TLN2: variants seen among roughly 807,000 people sequenced by gnomAD.
The protein encoded by TLN2 is talin 2.
In TLN2, 118 loss-of-function variants were observed where a neutral mutation model predicts 294.7. The observed-to-expected ratio is 0.40, with a 90% CI of 0.34 to 0.47. The LOEUF is 0.47. TLN2 is among the 20% of genes least tolerant of loss of function. TLN2 has a pLI of 0.84. For missense variants in TLN2, 3,083 were observed against 3,282.2 expected (o/e 0.94, Z 1.48); for synonymous variants, 1,431 against 1,304.5 (o/e 1.10, Z -2.09).
chr15:62,483,144 C>G (rs1290082622), intron 1 of TLN2, among the ~76,000 whole-genome samples: 3 of 152,204 alleles, frequency 2.0e-5, no homozygotes, highest in Non-Finnish European at 4.4e-5. Flanking sequence ...TAGCTGGGAT[C>G]TCTTAGGCAC....
intron 2 of TLN2, among the ~76,000 whole-genome samples, chr15:62,591,841 T>G (rs990737212): frequency 2.0e-5 from 3 of 152,038 alleles, no homozygotes; most frequent in Non-Finnish European, 2.9e-5. Flanking sequence ...GTGCTCAGGA[T>G]GGAGAAGAGC....
intron 1 of TLN2, among the ~76,000 whole-genome samples, chr15:62,495,542 G>T (rs754478035): frequency 3.9e-5 from 6 of 152,230 alleles, no homozygotes; most frequent in Non-Finnish European, 7.3e-5. Flanking sequence ...GCAAGGGAAA[G>T]AATGACTTTT....
At chr15:62,559,880 T>A (rs1347404668) in intron 1 of TLN2, among the ~76,000 whole-genome samples, 1 of 152,206 alleles carries the variant, frequency 6.6e-6, no homozygotes, top group African/African-American at 2.4e-5. Context: ...CCTCCCAGTT[T>A]CCAGTAACCT....
intron 54 of TLN2, among the ~76,000 whole-genome samples, chr15:62,825,252 A>T (rs1195367239): frequency 6.6e-6 from 1 of 152,186 alleles, no homozygotes; most frequent in East Asian, 1.9e-4. Context: ...GTCCAGTTAC[A>T]TTGTTTGACT....
In TLN2 at chr15:62,843,116, G is replaced by T. The variant is rs2070869264; in HGVS notation, c.*2506G>T. ...TTTCAGAACACCTAATAAGAGAGTG[G>T]TGTCAGAGTAAAAACGGCCCCAGGT... On this transcript the variant is annotated 3_prime_UTR_variant, in exon 59 of 59. Transcript: ENST00000636159. 1 of 152,182 alleles carries T rather than the reference G, an allele frequency of 6.6e-6. No individual in the cohort carries two copies. The highest frequency in any genetic ancestry group is 2.4e-5 in the African/African-American group (1 of 41,430). The allele number at this position is 152,182 out of a possible 1,614,324, so 9.4% of individuals were successfully genotyped here. A position where few individuals can be genotyped will look rare whatever the true frequency, so the allele number is the denominator to read the frequency against.
chr15:62,440,686 A>C (rs911674501), intron 1 of TLN2, among the ~76,000 whole-genome samples: 2 of 152,108 alleles, frequency 1.3e-5, no homozygotes, highest in Non-Finnish European at 2.9e-5. Flanking sequence ...CCGCAGCAGG[A>C]ATTATTGACC....
chr15:62,452,164 G>A (rs892823302), intron 1 of TLN2, among the ~76,000 whole-genome samples: 7 of 152,232 alleles, frequency 4.6e-5, no homozygotes, highest in Middle Eastern at 3.4e-3. Flanking sequence ...AAGAACAGTG[G>A]GGTTGTGAGG....
At chr15:62,550,969 T>C (rs1026874344) in intron 1 of TLN2, among the ~76,000 whole-genome samples, 10 of 152,146 alleles carry the variant, frequency 6.6e-5, no homozygotes, top group Non-Finnish European at 1.5e-5. Context: ...CTCACCATAA[T>C]GTAGAATCAG....
At chr15:62,569,450 C>T (rs2140635970) in intron 1 of TLN2, among the ~76,000 whole-genome samples, 1 of 152,300 alleles carries the variant, frequency 6.6e-6, no homozygotes, top group South Asian at 2.1e-4. Flanking sequence ...CTGGGAGATT[C>T]AGAAAGTTCC....
intron 1 of TLN2, among the ~76,000 whole-genome samples, chr15:62,492,094 CTT>C (rs2038762602): frequency 6.6e-6 from 1 of 151,778 alleles, no homozygotes; most frequent in Admixed American, 6.6e-5. Flanking sequence ...ATTTTGATAA[CTT>C]ATTTATTATA....
At position 62,819,565 on chromosome 15, in the gene TLN2, C is replaced by G. The variant is rs1567674387; in HGVS notation, c.6821C>G (p.Ser2274Cys). Reference sequence around the variant, plus strand: ...TTCAAGCAGCAGCTGGCCGCTTTCTCCAAGCGAGTCGCCGGCGCTGTGACA... The same window carrying G: ...TTCAAGCAGCAGCTGGCCGCTTTCTGCAAGCGAGTCGCCGGCGCTGTGACA... ...PEFKQQLAAF[S>C]KRVAGAVTEL... The change falls in exon 53 of 59, where the codon TCC (serine) becomes TGC (cysteine). Residue 2274 changes from serine (S) to cysteine (C), a missense_variant. Ser to Cys is a moderately radical substitution (Grantham distance 112). Transcript: ENST00000636159. 1.2e-6 allele frequency: 2 copies of G among 1,613,704 alleles called. No individual in the cohort carries two copies. The highest frequency in any genetic ancestry group is 1.7e-6 in the Non-Finnish European group (2 of 1,180,038).
chr15:62,693,083 A>C, intron 13 of TLN2, 142 bp downstream of exon 13: 2 of 627,102 alleles, frequency 3.2e-6, no homozygotes, highest in Non-Finnish European at 5.4e-6. Flanking sequence ...TAATCCCAAC[A>C]CTTCGGGAGG....
Position 62,712,058 on chromosome 15 carries a change from G to T in TLN2, c.2615G>T (p.Arg872Leu), listed in dbSNP as rs1221591376. ...AAKLLADSTARMVEAAKGAAA... is the reference protein window; with the variant it reads ...AAKLLADSTALMVEAAKGAAA... Reference sequence around the variant, plus strand: ...AAACTCTTAGCTGACTCCACTGCTCGCATGGTGGAAGCTGCAAAGGTATTC... The same window carrying T: ...AAACTCTTAGCTGACTCCACTGCTCTCATGGTGGAAGCTGCAAAGGTATTC... The change falls in exon 22 of 59, where the codon CGC becomes CTC. Residue 872 changes from arginine (R) to leucine (L), a missense_variant. Physicochemically the swap from Arg to Leu is moderately radical, Grantham distance 102. Coordinates refer to ENST00000636159, the MANE Select transcript of TLN2 (RefSeq NM_015059.3). The T allele has an allele frequency of 1.2e-6, 2 of 1,613,984 alleles. No individual in the cohort carries two copies. The highest frequency in any genetic ancestry group is 1.7e-5 in the Admixed American group (1 of 60,018).
At position 62,694,267 on chromosome 15, in the gene TLN2, G is replaced by A. The variant is rs372167452; in HGVS notation, c.1216-49G>A. On this transcript the variant is annotated intron_variant, in intron 13 of 58. Transcript: ENST00000636159. ...GCTGGGATTAGAGGCGTGAGCCACC[G>A]CGCGTGGCCTGGTTTTCATTTTTGC... 2.3e-4 allele frequency: 356 copies of A among 1,578,792 alleles called. 5 individuals carry two copies. The South Asian group carries it at 3.4e-3, about 15-fold the overall frequency.
chr15:62,819,744 C>A, intron 53 of TLN2, 123 bp downstream of exon 53: 2 of 764,906 alleles, frequency 2.6e-6, no homozygotes, highest in Non-Finnish European at 2.1e-6. Flanking sequence ...GCCAGGAATA[C>A]AGTGAGGACT....
chr15:62,646,809 C>T (rs556756750), intron 3 of TLN2, among the ~76,000 whole-genome samples: 1 of 152,292 alleles, frequency 6.6e-6, no homozygotes, highest in South Asian at 2.1e-4. Context: ...AAGAGGAGCA[C>T]CTGAGAGGGC....
rs981808458 is a variant in TLN2 at position 62,739,340 on chromosome 15, C to T, written c.3688-8C>T. The T allele has an allele frequency of 1.2e-6, 2 of 1,610,908 alleles. No individual in the cohort carries two copies. The highest frequency in any genetic ancestry group is 1.7e-6 in the Non-Finnish European group (2 of 1,178,558). ...TGTCTCATGGGGTGTGCCGTCTGTT[C>T]CCCACAGCTACCTCCAAGCACGAAG... On this transcript the variant is annotated splice_region_variant and splice_polypyrimidine_tract_variant and intron_variant, in intron 30 of 58. Transcript: ENST00000636159.
intron 55 of TLN2, 183 bp downstream of exon 55, chr15:62,833,812 G>A: frequency 1.2e-6 from 1 of 815,900 alleles, no homozygotes; most frequent in Non-Finnish European, 1.8e-6. Flanking sequence ...AGAATAAGAG[G>A]TTTGGCTTCT....
chr15:62,800,850 C>A, intron 50 of TLN2, 81 bp downstream of exon 50: 4 of 1,218,402 alleles, frequency 3.3e-6, no homozygotes, highest in Non-Finnish European at 4.6e-6. Flanking sequence ...GGTTTTTTAC[C>A]AATGAGGTTT....
Sources: allele counts gnomAD v4.1 joint callset (sites outside exome capture counted in the v4.1 genomes callset), GRCh38; gene constraint gnomAD v4.1.1; transcripts MANE v1.5; gene names NCBI Gene and HGNC (gene_info 2026-07-23, HGNC 2026-07-21).